The following EPHA6 variants were observed in gnomAD, a reference collection of about 807,000 sequenced individuals.
The protein encoded by EPHA6 is EPH receptor A6.
In EPHA6, 50 loss-of-function variants were observed where a neutral mutation model predicts 112.0. The observed-to-expected ratio is 0.45, with a 90% CI of 0.36 to 0.56. The LOEUF (loss-of-function observed/expected upper bound fraction) is 0.56, where lower values mean the gene tolerates loss of function less well. Ranked by LOEUF, EPHA6 falls within the 20% of genes least tolerant of loss-of-function variation. EPHA6 has a pLI of 0.00. For missense variants in EPHA6, 1,280 were observed against 1,417.4 expected (o/e 0.90, Z 1.56); for synonymous variants, 529 against 490.7 (o/e 1.08, Z -1.03).
intron 13 of EPHA6, among the ~76,000 whole-genome samples, chr3:97,611,251 T>G (rs2093717856): frequency 6.6e-6 from 1 of 151,834 alleles, no homozygotes; most frequent in African/African-American, 2.4e-5. Flanking sequence ...CCTTAACTGA[T>G]CTGTATTTAC....
intron 5 of EPHA6, among the ~76,000 whole-genome samples, chr3:97,288,057 G>A (rs1467706767): frequency 1.4e-5 from 2 of 142,002 alleles, no homozygotes; most frequent in Non-Finnish European, 3.0e-5. Flanking sequence ...GTTAGGAGAC[G>A]TAAAAAAAAA....
chr3:97,748,582 T>G lies in EPHA6; in HGVS notation c.3279-5T>G. The G allele has an allele frequency of 1.3e-6, 2 of 1,510,684 alleles. No individual in the cohort carries two copies. Among genetic ancestry groups the G allele is most frequent in the Non-Finnish European group, 1.8e-6 (2 of 1,087,602 alleles). 93.6% of individuals were successfully genotyped at this position (1,510,684 alleles called of 1,614,324 possible). A position where few individuals can be genotyped will look rare whatever the true frequency, so the allele number is the denominator to read the frequency against. On this transcript the variant is annotated splice_region_variant and splice_polypyrimidine_tract_variant and intron_variant, in intron 17 of 17. Transcript: ENST00000389672. ...CTCTCACTCTTGCTCTCTCCTTTCT[T>G]TCAGTGACATTAGAAGAATTGGAGT...
chr3:96,959,659 C>G (rs1004752035), intron 2 of EPHA6, among the ~76,000 whole-genome samples: 20 of 151,764 alleles, frequency 1.3e-4, no homozygotes, highest in Non-Finnish European at 1.2e-4. Flanking sequence ...AACCATTTTT[C>G]ATTAATTTTT....
intron 5 of EPHA6, among the ~76,000 whole-genome samples, chr3:97,329,551 A>G (rs2082672192): frequency 6.6e-6 from 1 of 151,258 alleles, no homozygotes; most frequent in Middle Eastern, 3.4e-3. Context: ...TTTGATTTGC[A>G]TTTCTCTGAT....
chr3:97,481,161 G>A (rs1187285973), intron 9 of EPHA6: 16 of 813,700 alleles, frequency 2.0e-5, no homozygotes, highest in African/African-American at 1.0e-4. Flanking sequence ...CCGAGATCAC[G>A]CCACTGCACT....
chr3:96,831,899 C>G (rs1392080165), intron 1 of EPHA6, among the ~76,000 whole-genome samples: 2 of 152,074 alleles, frequency 1.3e-5, no homozygotes, highest in Non-Finnish European at 2.9e-5. Context: ...CGGAATTATT[C>G]ATCAGTCCCC....
At chr3:97,098,723 G>T (rs1233506040) in intron 3 of EPHA6, among the ~76,000 whole-genome samples, 1 of 151,760 alleles carries the variant, frequency 6.6e-6, no homozygotes, top group Non-Finnish European at 1.5e-5. Flanking sequence ...AAAAATAGGG[G>T]TATCTGGAAC....
chr3:96,946,542 T>C (rs570679902), intron 2 of EPHA6, among the ~76,000 whole-genome samples: 1 of 152,304 alleles, frequency 6.6e-6, no homozygotes, highest in South Asian at 2.1e-4. Context: ...CCATGGTGTA[T>C]ATGTGCCACA....
intron 3 of EPHA6, among the ~76,000 whole-genome samples, chr3:97,042,878 G>T (rs1377653822): frequency 6.6e-6 from 1 of 152,108 alleles, no homozygotes; most frequent in Non-Finnish European, 1.5e-5. Context: ...GCAGCAGGCA[G>T]TCTAGAACCT....
chr3:97,052,236 T>A (rs1172666461), intron 3 of EPHA6, among the ~76,000 whole-genome samples: 1 of 152,088 alleles, frequency 6.6e-6, no homozygotes, highest in Non-Finnish European at 1.5e-5. Context: ...CTGCCTCATA[T>A]GATTGAACTC....
intron 13 of EPHA6, among the ~76,000 whole-genome samples, chr3:97,612,157 T>G (rs1274044722): frequency 1.3e-5 from 2 of 152,070 alleles, no homozygotes; most frequent in African/African-American, 4.8e-5. Context: ...CTTGTGTTCA[T>G]TTAACCTGTT....
chr3:96,834,298 A>G (rs2034268664), intron 1 of EPHA6, among the ~76,000 whole-genome samples: 1 of 152,180 alleles, frequency 6.6e-6, no homozygotes, highest in African/African-American at 2.4e-5. Flanking sequence ...GGGAATCTGC[A>G]TGGTCTGCCC....
At chr3:97,079,299 G>A (rs554672450) in intron 3 of EPHA6, among the ~76,000 whole-genome samples, 2 of 152,200 alleles carry the variant, frequency 1.3e-5, no homozygotes, top group African/African-American at 4.8e-5. Context: ...TCTTTTTCAG[G>A]GACATGGATG....
intron 6 of EPHA6, among the ~76,000 whole-genome samples, chr3:97,438,594 T>C (rs1259128753): frequency 6.6e-6 from 1 of 152,160 alleles, no homozygotes; most frequent in Admixed American, 6.5e-5. Flanking sequence ...GAGCCTACAA[T>C]ATGCTAGGCA....
intron 3 of EPHA6, among the ~76,000 whole-genome samples, chr3:97,105,543 C>T (rs2047540713): frequency 1.3e-5 from 2 of 152,044 alleles, no homozygotes; most frequent in South Asian, 4.1e-4. Context: ...AGTTCTTTTG[C>T]ACTTGCTGAG....
At chr3:97,461,574 A>G (rs2090890605) in intron 7 of EPHA6, among the ~76,000 whole-genome samples, 1 of 152,208 alleles carries the variant, frequency 6.6e-6, no homozygotes, top group Admixed American at 6.5e-5. Flanking sequence ...CTTAAATTCC[A>G]TTCTAACAGC....
At chr3:97,447,167 A>G (rs1271544286) in intron 6 of EPHA6, among the ~76,000 whole-genome samples, 1 of 152,214 alleles carries the variant, frequency 6.6e-6, no homozygotes, top group African/African-American at 2.4e-5. Context: ...GATCCTTAAG[A>G]TAAGACTTTT....
chr3:97,405,531 T>G (rs115851509), intron 6 of EPHA6, among the ~76,000 whole-genome samples: 1,788 of 152,178 alleles, frequency 0.012, 37 homozygotes, highest in African/African-American at 0.04. Flanking sequence ...CTAGAGAGTT[T>G]TATAATATTG....
intron 14 of EPHA6, among the ~76,000 whole-genome samples, chr3:97,673,081 A>T (rs1329622670): frequency 6.6e-6 from 1 of 152,098 alleles, no homozygotes; most frequent in African/African-American, 2.4e-5. Context: ...TATTAATAGA[A>T]CTCTGTAGAG....
Sources: allele counts gnomAD v4.1 joint callset (sites outside exome capture counted in the v4.1 genomes callset), GRCh38; gene constraint gnomAD v4.1.1; transcripts MANE v1.5; gene names NCBI Gene and HGNC (gene_info 2026-07-23, HGNC 2026-07-21).